Variants in ALK observed in about 807,000 individuals in gnomAD.
ALK encodes the protein ALK tyrosine kinase receptor.
In ALK, 74 loss-of-function variants were observed where a neutral mutation model predicts 163.1. That is an observed-to-expected ratio of 0.45 (90% CI 0.38 to 0.55). The LOEUF (loss-of-function observed/expected upper bound fraction) is 0.55, where lower values mean the gene tolerates loss of function less well. Among genes scored for constraint, ALK ranks in the 20% least tolerant of loss-of-function variants. ALK has a pLI of 0.00. For synonymous variants in ALK, 960 were observed against 843.2 expected (o/e 1.14, Z -2.40); for missense variants, 2,063 against 2,105.3 (o/e 0.98, Z 0.39).
rs141764259 is a variant in ALK, at chr2:29,772,526, C to T, written c.668-54829G>A. On this transcript the variant is annotated intron_variant, in intron 1 of 28. Coordinates refer to ENST00000389048, the MANE Select transcript of ALK (RefSeq NM_004304.5). ...ATGCGAGTGGAGTGAACCAATTCCT[C>T]GCCTCCCACACTTCCTCACCATAGT... is the stretch of plus-strand genomic sequence containing the variant. Among the ~76,000 whole-genome samples, 95 of 152,268 alleles carry T rather than the reference C, an allele frequency of 6.2e-4. 1 individual carries two copies. The highest frequency in any genetic ancestry group is 2.1e-3 in the African/African-American group (89 of 41,558).
intron 1 of ALK, among the ~76,000 whole-genome samples, chr2:29,787,675 A>G (rs1372478918): frequency 1.3e-5 from 2 of 152,226 alleles, no homozygotes; most frequent in African/African-American, 4.8e-5. Context: ...GACAGTCTGT[A>G]GAGAGGAAGC....
chr2:29,638,542 G>A (rs866445161), intron 3 of ALK, among the ~76,000 whole-genome samples: 3 of 151,710 alleles, frequency 2.0e-5, no homozygotes, highest in Non-Finnish European at 4.4e-5. Flanking sequence ...AGATGGATGC[G>A]GATAATGCTG....
Position 29,779,828 on chromosome 2 carries a change from T to C in ALK, c.668-62131A>G, listed in dbSNP as rs150835941. ...TAAAAAGCTCAGTGCTTGAACAGCC[T>C]ATATCTCATTGTGCCTTCATTCTCC... On this transcript the variant is annotated intron_variant, in intron 1 of 28. Transcript: ENST00000389048. Among the ~76,000 whole-genome samples the C allele has an allele frequency of 4.9e-3, 749 of 152,328 alleles. 10 individuals carry two copies. Among genetic ancestry groups the C allele is most frequent in the African/African-American group, 0.017 (695 of 41,576 alleles).
intron 1 of ALK, among the ~76,000 whole-genome samples, chr2:29,739,285 G>T (rs1288271368): frequency 9.1e-5 from 13 of 142,156 alleles, no homozygotes; most frequent in Non-Finnish European, 1.8e-4. Flanking sequence ...TAGGCCAGGT[G>T]CCAGTGGCTC....
intron 3 of ALK, among the ~76,000 whole-genome samples, chr2:29,555,199 A>C (rs944873690): frequency 1.3e-5 from 2 of 151,678 alleles, no homozygotes; most frequent in African/African-American, 4.8e-5. Context: ...CTGCATGGGG[A>C]CCCCTTTCCT....
chr2:29,303,610 T>C (rs1036471408), intron 8 of ALK, among the ~76,000 whole-genome samples: 4 of 152,138 alleles, frequency 2.6e-5, no homozygotes, highest in Admixed American at 6.5e-5. Flanking sequence ...CGATTCACAA[T>C]AGCAAAGTCA....
At chr2:29,231,064 G>T (rs144699436) in intron 15 of ALK, among the ~76,000 whole-genome samples, 1 of 152,178 alleles carries the variant, frequency 6.6e-6, no homozygotes, top group Non-Finnish European at 1.5e-5. Flanking sequence ...CTGGCCAGGC[G>T]TGGTGGCTCA....
intron 1 of ALK, among the ~76,000 whole-genome samples, chr2:29,898,813 G>A (rs1667337817): frequency 6.6e-6 from 1 of 152,164 alleles, no homozygotes; most frequent in Non-Finnish European, 1.5e-5. Flanking sequence ...AGGAAGAAGA[G>A]GAGGAACAGA....
At chr2:29,678,260 G>T (rs1677945618) in intron 3 of ALK, among the ~76,000 whole-genome samples, 2 of 151,690 alleles carry the variant, frequency 1.3e-5, no homozygotes, top group Admixed American at 6.6e-5. Context: ...AAATTTTTGG[G>T]TTCAATGATT....
intron 16 of ALK, among the ~76,000 whole-genome samples, chr2:29,228,292 G>A (rs941654249): frequency 6.6e-6 from 1 of 152,232 alleles, no homozygotes; most frequent in African/African-American, 2.4e-5. Flanking sequence ...CTAATCTGTG[G>A]GGAGCGGGGA....
At chr2:29,330,019 T>C (rs1030015045) in intron 5 of ALK, among the ~76,000 whole-genome samples, 3 of 152,184 alleles carry the variant, frequency 2.0e-5, no homozygotes, top group Non-Finnish European at 4.4e-5. Context: ...TTGTGCCCTC[T>C]TTTCTAGGGT....
intron 4 of ALK, among the ~76,000 whole-genome samples, chr2:29,498,758 T>C (rs1414327083): frequency 3.9e-5 from 6 of 152,262 alleles, no homozygotes; most frequent in African/African-American, 1.2e-4. Context: ...GATAAGTATG[T>C]AATGACATTA....
intron 3 of ALK, among the ~76,000 whole-genome samples, chr2:29,579,778 A>G (rs1394823376): frequency 6.6e-6 from 1 of 152,172 alleles, no homozygotes; most frequent in Non-Finnish European, 1.5e-5. Context: ...AAAATACTTC[A>G]GTCTTGACGA....
intron 3 of ALK, among the ~76,000 whole-genome samples, chr2:29,693,978 C>G (rs1246964383): frequency 6.6e-6 from 1 of 152,124 alleles, no homozygotes; most frequent in Non-Finnish European, 1.5e-5. Flanking sequence ...AAAAAACTAC[C>G]CTGAATGTCT....
At chr2:29,811,504 C>T (rs937673463) in intron 1 of ALK, among the ~76,000 whole-genome samples, 5 of 152,156 alleles carry the variant, frequency 3.3e-5, no homozygotes, top group Admixed American at 3.3e-4. Flanking sequence ...ATTCTAAAAG[C>T]TCTGCATGGA....
chr2:29,479,698 C>T (rs1671615392), intron 4 of ALK, among the ~76,000 whole-genome samples: 1 of 152,188 alleles, frequency 6.6e-6, no homozygotes, highest in African/African-American at 2.4e-5. Flanking sequence ...CACAGGGTCA[C>T]ACAGGGGGAC....
intron 1 of ALK, among the ~76,000 whole-genome samples, chr2:29,763,647 C>T (rs1680776850): frequency 6.6e-6 from 1 of 152,204 alleles, no homozygotes; most frequent in African/African-American, 2.4e-5. Context: ...GAGTGCCTGC[C>T]TGGCAGGTCA....
chr2:29,619,914 C>T (rs566130823), intron 3 of ALK, among the ~76,000 whole-genome samples: 177 of 152,260 alleles, frequency 1.2e-3, no homozygotes, highest in African/African-American at 4.2e-3. Context: ...GGTGCCCATA[C>T]CCACAGTGAG....
intron 4 of ALK, among the ~76,000 whole-genome samples, chr2:29,403,320 T>G (rs1669494994): frequency 6.6e-6 from 1 of 152,156 alleles, no homozygotes; most frequent in Non-Finnish European, 1.5e-5. Context: ...TGGATAAAAG[T>G]GTTCAATTTG....
Sources: gnomAD v4.1 joint callset for allele counts (sites outside exome capture counted in the v4.1 genomes callset) on GRCh38, gnomAD v4.1.1 for gene constraint, MANE v1.5 for transcripts, NCBI Gene and HGNC (gene_info 2026-07-23, HGNC 2026-07-21) for gene names.